Variants in OTOA observed in about 807,000 individuals in gnomAD.
OTOA encodes the protein otoancorin, also known as cancer/testis antigen 108.
Under a neutral mutation model 110.8 loss-of-function variants are expected in OTOA, and 70 were observed. The ratio of observed to expected loss-of-function variants is 0.63; its 90% confidence interval spans 0.52 to 0.77. The LOEUF (loss-of-function observed/expected upper bound fraction) is 0.77. OTOA is among the 30% of genes least tolerant of loss of function. The pLI, the probability that OTOA is intolerant of heterozygous loss-of-function variation, is 0.00. For missense variants in OTOA, 917 were observed against 1,075.8 expected, an observed-to-expected ratio of 0.85 and a Z score of 2.06; for synonymous variants, 373 against 431.5, an observed-to-expected ratio of 0.86 and a Z score of 1.68.
rs1272719621 is a variant in OTOA, at chr16:21,681,744, C to T, written c.186C>T (p.His62=). The T allele has an allele frequency of 2.0e-5, 33 of 1,613,510 alleles. No individual in the cohort carries two copies. The highest frequency in any genetic ancestry group is 1.3e-4 in the Admixed American group (8 of 59,986). Residue 62 remains histidine (H), a synonymous_variant, in exon 6 of 29, where the codon CAC becomes CAT. Coordinates refer to ENST00000646100, the MANE Select transcript of OTOA (RefSeq NM_144672.4). The stretch of plus-strand genomic sequence containing the variant: ...TGTCTGTCTTCAACTGAAGCTCCCA[C>T]GTGTGGACGGATGACCTGTCCCACA... ...LLDLIQFQSS[H]VWTDDLSHRV...
chr16:21,691,252 T>C (rs949287544), intron 8 of OTOA, among the ~76,000 whole-genome samples: 1 of 152,136 alleles, frequency 6.6e-6, no homozygotes, highest in African/African-American at 2.4e-5. Flanking sequence ...TCTTTGCTAT[T>C]GTGAATAGTG....
chr16:21,714,434 CTCTT>C (rs1463194359), intron 13 of OTOA, among the ~76,000 whole-genome samples: 2 of 139,262 alleles, frequency 1.4e-5, no homozygotes, highest in Admixed American at 1.5e-4. Flanking sequence ...CTTTCTTTCT[CTCTT>C]TCTTTCTTTC....
rs201114549 is a variant in OTOA, at chr16:21,703,501, TA to T, written c.981-1658del. ...GCATTCCATTGTGTATCCACCAAAT[TA>T]AAAAAAAAATCCATTCATCCACTGA... On this transcript the variant is annotated intron_variant, in intron 11 of 28. Transcript: ENST00000646100. Among the ~76,000 whole-genome samples, 172 of 150,328 alleles carry T rather than the reference TA, an allele frequency of 1.1e-3. 1 individual carries two copies. Among genetic ancestry groups the T allele is most frequent in the African/African-American group, 3.9e-3 (159 of 41,068 alleles).
chr16:21,670,961 C>T (rs1966848241), intron 1 of OTOA, among the ~76,000 whole-genome samples: 2 of 152,010 alleles, frequency 1.3e-5, no homozygotes, highest in African/African-American at 4.8e-5. Context: ...AGACAGATGG[C>T]CCGGGCAGGA....
At chr16:21,685,189 T>G in intron 6 of OTOA, 41 bp from the exon 7 acceptor site, 1 of 1,607,080 alleles carries the variant, frequency 6.2e-7, no homozygotes, top group Non-Finnish European at 8.5e-7. Context: ...GTGCTCCTGC[T>G]CTTTCTGTTC....
At chr16:21,691,844 A>G (rs1015287713) in intron 9 of OTOA, among the ~76,000 whole-genome samples, 157 bp downstream of exon 9, 4 of 152,168 alleles carry the variant, frequency 2.6e-5, no homozygotes, top group African/African-American at 9.7e-5. Flanking sequence ...TATGGAGTAA[A>G]ACACATACTC....
chr16:21,682,067 C>T (rs573035458), intron 6 of OTOA, among the ~76,000 whole-genome samples: 1 of 152,140 alleles, frequency 6.6e-6, no homozygotes, highest in East Asian at 1.9e-4. Context: ...AACAAAAAGA[C>T]CCCCAGATGA....
chr16:21,732,217 C>T (rs1410859485), intron 21 of OTOA, among the ~76,000 whole-genome samples: 2 of 152,232 alleles, frequency 1.3e-5, no homozygotes, highest in East Asian at 1.9e-4. Context: ...CTGCCCGCCT[C>T]GGCCTCCCAA....
intron 11 of OTOA, 156 bp downstream of exon 11, chr16:21,701,183 T>C: frequency 9.0e-7 from 1 of 1,110,494 alleles, no homozygotes; most frequent in Non-Finnish European, 1.3e-6. Flanking sequence ...AGGAGAGGTG[T>C]CTGCAACTTT....
intron 9 of OTOA, among the ~76,000 whole-genome samples, chr16:21,693,037 T>G (rs902169766): frequency 5.3e-5 from 8 of 149,962 alleles, no homozygotes; most frequent in African/African-American, 2.0e-4. Context: ...GGCAGATCAC[T>G]TGAGGTTAGG....
In OTOA at chr16:21,678,762, G is replaced by A. The variant is rs919932787; in HGVS notation, c.92-153G>A. On this transcript the variant is annotated intron_variant, in intron 2 of 28. Transcript: ENST00000646100. ...GGATTATTCTAAGAGGATTTTTCAA[G>A]CCACGGTTTTCTCAGAGTGGACAGT... 5.9e-5 allele frequency among the ~76,000 whole-genome samples: 9 copies of A among 152,092 alleles called. 1 individual carries two copies. The highest frequency in any genetic ancestry group is 4.6e-4 in the Admixed American group (7 of 15,246).
intron 1 of OTOA, among the ~76,000 whole-genome samples, chr16:21,666,747 T>C (rs1345074273): frequency 6.6e-6 from 1 of 152,062 alleles, no homozygotes; most frequent in Non-Finnish European, 1.5e-5. Context: ...GAGAAAGCTA[T>C]CGACCTCCAA....
In OTOA at chr16:21,675,353, C is replaced by T. The variant is rs543053440; in HGVS notation, c.-4-3158C>T. Among the ~76,000 whole-genome samples the T allele has an allele frequency of 2.1e-3, 251 of 117,592 alleles. 1 individual carries two copies. The highest frequency in any genetic ancestry group is 7.8e-3 in the African/African-American group (243 of 31,108). The allele number at this position is 117,592 out of a possible 152,430, so 77.1% of individuals were successfully genotyped here. ...TTTTTTTTTTATAGAGATGGGGCTT[C>T]ACCATGTTGGCCAGGCTGGTTTTGA... On this transcript the variant is annotated intron_variant, in intron 1 of 28. Transcript: ENST00000646100.
rs754830603 is a variant in OTOA, at chr16:21,705,192, A to G, written c.1004A>G (p.Tyr335Cys). ...IHRLGLLVCF[Y>C]NDLELLDATV... is the part of the protein sequence containing the mutation. ...AGGCTGGGGCTGCTGGTTTGTTTCTACAATGACCTGGAATTGCTGGATGCC... is the reference window on the plus strand; with the variant it reads ...AGGCTGGGGCTGCTGGTTTGTTTCTGCAATGACCTGGAATTGCTGGATGCC... Residue 335 changes from tyrosine to cysteine, a missense_variant, in exon 12 of 29, where the codon TAC becomes TGC. Tyr to Cys is a radical substitution (Grantham distance 194, BLOSUM62 -2). Transcript: ENST00000646100. 1 of 1,613,996 alleles carries G rather than the reference A, an allele frequency of 6.2e-7. No homozygotes were observed. The highest frequency in any genetic ancestry group is 1.3e-5 in the African/African-American group (1 of 74,902).
At chr16:21,759,452 T>C (rs1369086422) in intron 28 of OTOA, among the ~76,000 whole-genome samples, 1 of 151,848 alleles carries the variant, frequency 6.6e-6, no homozygotes, top group African/African-American at 2.4e-5. Flanking sequence ...GGTCTGTAGA[T>C]GGACCTTGCA....
chr16:21,695,891 A>ATATTTT (rs569493650), intron 9 of OTOA, among the ~76,000 whole-genome samples: 20 of 41,898 alleles, frequency 4.8e-4, no homozygotes, highest in East Asian at 2.4e-3. Context: ...ATATATATAT[A>ATATTTT]TTTTTTTTTT....
At chr16:21,722,523 G>A (rs1597843164) in intron 17 of OTOA, among the ~76,000 whole-genome samples, 1 of 151,572 alleles carries the variant, frequency 6.6e-6, no homozygotes, top group Non-Finnish European at 1.5e-5. Context: ...GCATAAAATA[G>A]CACAGACATC....
intron 1 of OTOA, 61 bp downstream of exon 1, chr16:21,664,293 T>TGGGCGCCCACCGCTGGGC (rs1299164903): frequency 1.3e-5 from 2 of 151,254 alleles, no homozygotes; most frequent in Non-Finnish European, 2.9e-5. Flanking sequence ...GGGGAGCGGG[T>TGGGCGCCCACCGCTGGGC]GGGCGCCCAC....
At chr16:21,708,664 A>G (rs1425239184) in intron 12 of OTOA, among the ~76,000 whole-genome samples, 2 of 152,304 alleles carry the variant, frequency 1.3e-5, no homozygotes, top group East Asian at 3.9e-4. Context: ...TAGAGAACCC[A>G]GGCGCTTTGA....
Sources: gnomAD v4.1 joint callset for allele counts (sites outside exome capture counted in the v4.1 genomes callset) on GRCh38, gnomAD v4.1.1 for gene constraint, MANE v1.5 for transcripts, NCBI Gene and HGNC (gene_info 2026-07-23, HGNC 2026-07-21) for gene names.